CCDC82: variants seen among roughly 807,000 people sequenced by gnomAD.
CCDC82 encodes coiled-coil domain containing 82.
CCDC82 carries 47 observed loss-of-function variants against 60.6 expected under a neutral mutation model. The ratio of observed to expected loss-of-function variants is 0.77; its 90% confidence interval spans 0.61 to 0.99. CCDC82 has a LOEUF of 0.99. Among genes scored for constraint, CCDC82 ranks in the 50% least tolerant of loss-of-function variants. CCDC82 has a pLI of 0.00. For missense variants in CCDC82, 588 were observed against 633.0 expected (o/e 0.93, Z 0.76); for synonymous variants, 212 against 207.4 (o/e 1.02, Z -0.19).
chr11:96,353,799 A>C (rs980561908), intron 9 of CCDC82, 85 bp from the exon 10 acceptor site: 1 of 857,404 alleles, frequency 1.2e-6, no homozygotes, highest in Non-Finnish European at 1.9e-6. Flanking sequence ...CACAATTAGG[A>C]TAAGTCCATT....
At chr11:96,358,535 T>A in intron 9 of CCDC82, 2 of 1,233,974 alleles carry the variant, frequency 1.6e-6, no homozygotes, top group Non-Finnish European at 1.0e-6. Context: ...AAGAAGAGGA[T>A]GTGGGTGTAT....
intron 3 of CCDC82, 164 bp from the exon 4 acceptor site, chr11:96,384,925 A>G: frequency 1.9e-6 from 1 of 516,036 alleles, no homozygotes; most frequent in East Asian, 3.1e-5. Flanking sequence ...TTAACAAATA[A>G]TTTACTGAAT....
intron 8 of CCDC82, among the ~76,000 whole-genome samples, chr11:96,362,735 C>T (rs985957827): frequency 8.5e-5 from 13 of 152,272 alleles, no homozygotes; most frequent in African/African-American, 3.1e-4. Flanking sequence ...ACTGATTCCA[C>T]TTTCCATCAA....
At chr11:96,363,681 T>A (rs1405481445) in intron 8 of CCDC82, 1 of 152,194 alleles carries the variant, frequency 6.6e-6, no homozygotes, top group African/African-American at 2.4e-5. Context: ...ATCTAGTATT[T>A]TTAAAAGATA....
rs1864183207 is a variant in CCDC82, at chr11:96,353,460, CAGATA to C, written c.*181_*185del. 2 of 531,700 alleles carry C rather than the reference CAGATA, an allele frequency of 3.8e-6. No individual in the cohort carries two copies. Among genetic ancestry groups the C allele is most frequent in the African/African-American group, 1.9e-5 (1 of 51,586 alleles). The allele number at this position is 531,700 out of a possible 1,614,324, so 32.9% of individuals were successfully genotyped here. On this transcript the variant is annotated 3_prime_UTR_variant, in exon 10 of 10. Coordinates refer to ENST00000646818, the MANE Select transcript of CCDC82 (RefSeq NM_024725.4). The stretch of plus-strand genomic sequence containing the variant: ...ATTAAGATAATGCTTTTATGTACAT[CAGATA>C]AAAGTTTAATTAGAGTGTAGAGTGC...
chr11:96,364,854 C>T, intron 8 of CCDC82, 126 bp downstream of exon 8: 1 of 766,190 alleles, frequency 1.3e-6, no homozygotes. Context: ...TTGTGGGTTG[C>T]CAATTTGGTG....
chr11:96,365,158 CA>C lies in CCDC82; in HGVS notation c.1210-9del. ...ATAATTTTCTACTCGCTCCTGAAAA[CA>C]AAAAATATAAAAAAAAGTTTAAAAG... On this transcript the variant is annotated splice_polypyrimidine_tract_variant and intron_variant, in intron 7 of 9. Coordinates refer to ENST00000646818, the MANE Select transcript of CCDC82 (RefSeq NM_024725.4). The C allele has an allele frequency of 2.0e-6, 3 of 1,482,786 alleles. No individual in the cohort carries two copies. The highest frequency in any genetic ancestry group is 1.8e-6 in the Non-Finnish European group (2 of 1,103,172). 91.9% of individuals were successfully genotyped at this position (1,482,786 alleles called of 1,614,324 possible).
chr11:96,374,788 T>C (rs1012013367), intron 5 of CCDC82, among the ~76,000 whole-genome samples: 1 of 152,122 alleles, frequency 6.6e-6, no homozygotes, highest in African/African-American at 2.4e-5. Flanking sequence ...AAAATTAATA[T>C]TGTTGACATT....
intron 9 of CCDC82, chr11:96,355,011 C>T (rs1380669668): frequency 6.6e-6 from 1 of 152,088 alleles, no homozygotes; most frequent in African/African-American, 2.4e-5. Context: ...ATCTCCTTCT[C>T]AGGAAAGATG....
chr11:96,357,215 T>C, intron 9 of CCDC82: 1 of 985,426 alleles, frequency 1.0e-6, no homozygotes, highest in Non-Finnish European at 1.2e-6. Flanking sequence ...AATGGGTTTA[T>C]ATTGGCTATA....
chr11:96,355,503 C>A (rs892214948), intron 9 of CCDC82: 2 of 152,218 alleles, frequency 1.3e-5, no homozygotes, highest in African/African-American at 4.8e-5. Flanking sequence ...CTAATCTCCA[C>A]AATCAAAACC....
intron 8 of CCDC82, among the ~76,000 whole-genome samples, chr11:96,360,847 A>T (rs529899903): frequency 6.6e-6 from 1 of 152,326 alleles, no homozygotes; most frequent in South Asian, 2.1e-4. Flanking sequence ...ATCAGGTTTG[A>T]TGTGTTTTCT....
intron 8 of CCDC82, among the ~76,000 whole-genome samples, chr11:96,359,839 TA>T (rs1205272659): frequency 6.6e-6 from 1 of 151,036 alleles, no homozygotes; most frequent in Non-Finnish European, 1.5e-5. Context: ...TGATCTAAAG[TA>T]AAAAAATAAA....
In CCDC82 at chr11:96,359,180, T is replaced by C. The variant is rs1353382004; in HGVS notation, c.1381-2A>G. On this transcript the variant is annotated splice_acceptor_variant, in intron 8 of 9. Transcript: ENST00000646818. LOFTEE classifies it high-confidence loss of function. ...ACAAATTCTGCCAACAGTGAACACC[T>C]AAATCAAGAAATAAAGATTGTTATC... 6.4e-7 allele frequency: 1 copy of C among 1,555,018 alleles called. No individual in the cohort carries two copies. Among genetic ancestry groups the C allele is most frequent in the Admixed American group, 2.3e-5 (1 of 43,500 alleles).
At chr11:96,358,670 A>C in intron 9 of CCDC82, 2 of 1,221,004 alleles carry the variant, frequency 1.6e-6, no homozygotes, top group Non-Finnish European at 2.1e-6. Flanking sequence ...CTCTGTCAAA[A>C]AAAAAAAAAA....
intron 7 of CCDC82, among the ~76,000 whole-genome samples, chr11:96,368,860 C>T (rs993373332): frequency 2.9e-4 from 9 of 30,620 alleles, no homozygotes; most frequent in South Asian, 1.7e-3. Flanking sequence ...AGAGAGACTC[C>T]GTCTCAAAAA....
At chr11:96,365,888 G>A (rs942306239) in intron 7 of CCDC82, among the ~76,000 whole-genome samples, 1 of 152,190 alleles carries the variant, frequency 6.6e-6, no homozygotes, top group Admixed American at 6.5e-5. Flanking sequence ...CACACAGTGA[G>A]CATATTAGCA....
chr11:96,372,720 TTATATATATAAATATATAAA>T (rs1454537848), intron 6 of CCDC82, among the ~76,000 whole-genome samples: 3 of 144,718 alleles, frequency 2.1e-5, no homozygotes, highest in Non-Finnish European at 4.5e-5. Flanking sequence ...ACATATATAT[TTATATATATAAATATATAAA>T]TATACGTATA....
At chr11:96,353,808 T>C in intron 9 of CCDC82, 94 bp from the exon 10 acceptor site, 1 of 790,278 alleles carries the variant, frequency 1.3e-6, no homozygotes, top group Non-Finnish European at 2.1e-6. Flanking sequence ...GATAAGTCCA[T>C]TTCATGGTAA....
Sources: gnomAD v4.1 joint callset for allele counts (sites outside exome capture counted in the v4.1 genomes callset) on GRCh38, gnomAD v4.1.1 for gene constraint, MANE v1.5 for transcripts, NCBI Gene and HGNC (gene_info 2026-07-23, HGNC 2026-07-21) for gene names.